Variants in RNLS observed in about 807,000 individuals in gnomAD.
RNLS encodes the protein renalase.
A neutral mutation model predicts 39.8 loss-of-function variants in RNLS; 39 were observed. The ratio of observed to expected loss-of-function variants is 0.98; its 90% confidence interval spans 0.76 to 1.28. The LOEUF is 1.28. Ranked by LOEUF, RNLS falls within the 50% of genes most tolerant of loss-of-function variation. The pLI is 0.00. For synonymous variants in RNLS, 147 were observed against 150.7 expected (o/e 0.98, Z 0.18); for missense variants, 410 against 413.3 (o/e 0.99, Z 0.07).
intron 4 of RNLS, among the ~76,000 whole-genome samples, chr10:88,390,237 G>A (rs537262842): frequency 7.9e-5 from 12 of 152,208 alleles, no homozygotes; most frequent in Non-Finnish European, 1.8e-4. Context: ...TAAAGTGAAA[G>A]TCTCTGGGAC....
the RNLS span, among the ~76,000 whole-genome samples, chr10:88,217,814 T>A: frequency 7.4e-6 from 1 of 135,750 alleles, no homozygotes; most frequent in Non-Finnish European, 1.5e-5. Flanking sequence ...CCAAAGCGGG[T>A]GGATCACCTG....
At chr10:88,540,501 A>G (rs1847981470) in intron 4 of RNLS, among the ~76,000 whole-genome samples, 1 of 152,084 alleles carries the variant, frequency 6.6e-6, no homozygotes, top group Non-Finnish European at 1.5e-5. Flanking sequence ...AGCAAAGCAA[A>G]TATTTTCCCT....
At chr10:88,377,054 T>TCTTG (rs398114609) in intron 4 of RNLS, among the ~76,000 whole-genome samples, 2 of 151,872 alleles carry the variant, frequency 1.3e-5, no homozygotes, top group African/African-American at 2.4e-5. Context: ...AAATTCTCTT[T>TCTTG]GAAATAATAT....
chr10:88,535,747 T>A (rs1242080214), intron 4 of RNLS, among the ~76,000 whole-genome samples: 1 of 151,468 alleles, frequency 6.6e-6, no homozygotes, highest in Non-Finnish European at 1.5e-5. Context: ...TAAACTAGAG[T>A]AGAAGAAAGT....
intron 5 of RNLS, among the ~76,000 whole-genome samples, chr10:88,351,020 C>A (rs181235160): frequency 6.6e-6 from 1 of 152,088 alleles, no homozygotes; most frequent in Non-Finnish European, 1.5e-5. Flanking sequence ...GCTGGCTGCA[C>A]AAATGTCTTC....
At chr10:88,431,798 T>A (rs1855145043) in intron 4 of RNLS, among the ~76,000 whole-genome samples, 1 of 151,806 alleles carries the variant, frequency 6.6e-6, no homozygotes, top group Admixed American at 6.6e-5. Context: ...TCATTGATTT[T>A]AAATTTAATT....
Position 88,499,808 on chromosome 10 carries a change from T to C in RNLS, c.526+73095A>G, listed in dbSNP as rs143134382. On this transcript the variant is annotated intron_variant, in intron 4 of 6. Transcript: ENST00000331772. ...TCTTCATACGCTTGTGCCCCAGCAG[T>C]GGGCCCCACTTATCATCCAGCTGAA... is the stretch of plus-strand genomic sequence containing the variant. Among the ~76,000 whole-genome samples, 818 of 152,236 alleles carry C rather than the reference T, an allele frequency of 5.4e-3. 5 individuals carry two copies. Among genetic ancestry groups the C allele is most frequent in the African/African-American group, 0.019 (773 of 41,558 alleles).
At chr10:88,209,706 T>TA in the RNLS span, among the ~76,000 whole-genome samples, 1 of 152,168 alleles carries the variant, frequency 6.6e-6, no homozygotes, top group African/African-American at 2.4e-5. Context: ...TGCTGTTGGT[T>TA]AAAAAAATCT....
chr10:88,323,542 G>T (rs1375234378), intron 5 of RNLS, among the ~76,000 whole-genome samples: 1 of 152,126 alleles, frequency 6.6e-6, no homozygotes, highest in Non-Finnish European at 1.5e-5. Context: ...GGGAAAACTG[G>T]CTAGGGATAC....
intron 4 of RNLS, among the ~76,000 whole-genome samples, chr10:88,507,505 C>T (rs1239529832): frequency 1.3e-5 from 2 of 152,062 alleles, no homozygotes; most frequent in Non-Finnish European, 2.9e-5. Context: ...CATAGCAAGA[C>T]ACTCTCCCCA....
At chr10:88,185,852 T>C in the RNLS span, among the ~76,000 whole-genome samples, 3 of 152,294 alleles carry the variant, frequency 2.0e-5, no homozygotes, top group East Asian at 5.8e-4. Flanking sequence ...AAAATAAAAC[T>C]GCATCAAATG....
At chr10:88,329,979 C>A (rs1846968370) in intron 5 of RNLS, among the ~76,000 whole-genome samples, 1 of 150,516 alleles carries the variant, frequency 6.6e-6, no homozygotes, top group Admixed American at 6.6e-5. Context: ...CCAAAATTTT[C>A]AGGCTTTATA....
chr10:88,253,660 T>C, the RNLS span, among the ~76,000 whole-genome samples: 2 of 152,224 alleles, frequency 1.3e-5, no homozygotes, highest in Non-Finnish European at 1.5e-5. Context: ...TGGAATTTAC[T>C]GAGATTCTGT....
At chr10:88,181,435 C>G in the RNLS span, among the ~76,000 whole-genome samples, 1,722 of 152,280 alleles carry the variant, frequency 0.011, 29 homozygotes, top group African/African-American at 0.039. Context: ...TTCTGACTTA[C>G]AGAACTTTAA....
intron 4 of RNLS, among the ~76,000 whole-genome samples, chr10:88,381,162 G>A (rs1051619157): frequency 3.3e-5 from 5 of 151,988 alleles, no homozygotes; most frequent in African/African-American, 9.7e-5. Context: ...GAATAAACTC[G>A]CCAAGTGCCT....
intron 3 of RNLS, among the ~76,000 whole-genome samples, chr10:88,576,705 A>G (rs551127065): frequency 6.6e-6 from 1 of 152,316 alleles, no homozygotes; most frequent in South Asian, 2.1e-4. Flanking sequence ...CCCTCTATCA[A>G]TTTTAGAAAG....
intron 4 of RNLS, among the ~76,000 whole-genome samples, chr10:88,447,336 T>C (rs1842093963): frequency 6.6e-6 from 1 of 150,746 alleles, no homozygotes; most frequent in South Asian, 2.1e-4. Flanking sequence ...AAAATTAATG[T>C]GCAAAAATCA....
At chr10:88,504,844 AGTGTGT>A (rs34411833) in intron 4 of RNLS, among the ~76,000 whole-genome samples, 5 of 136,164 alleles carry the variant, frequency 3.7e-5, no homozygotes, top group African/African-American at 1.1e-4. Flanking sequence ...AGAGAGACAG[AGTGTGT>A]GTGTGTGTGT....
the RNLS span, among the ~76,000 whole-genome samples, chr10:88,205,190 AG>A: frequency 6.6e-6 from 1 of 152,148 alleles, no homozygotes; most frequent in African/African-American, 2.4e-5. Flanking sequence ...CCAAAACGCA[AG>A]GGTCATGCTC....
Sources: allele counts gnomAD v4.1 joint callset (sites outside exome capture counted in the v4.1 genomes callset), GRCh38; gene constraint gnomAD v4.1.1; transcripts MANE v1.5; gene names NCBI Gene and HGNC (gene_info 2026-07-23, HGNC 2026-07-21).